Variants in RSPO2 observed in about 807,000 individuals in gnomAD.
The protein encoded by RSPO2 is R-spondin-2.
Under a neutral mutation model 30.9 loss-of-function variants are expected in RSPO2, and 14 were observed. The observed-to-expected ratio is 0.45, with a 90% CI of 0.30 to 0.71. The LOEUF (loss-of-function observed/expected upper bound fraction) is 0.71. Among genes scored for constraint, RSPO2 ranks in the 30% least tolerant of loss-of-function variants. RSPO2 has a pLI of 0.08. For synonymous variants in RSPO2, 107 were observed against 96.4 expected (o/e 1.11, Z -0.64); for missense variants, 264 against 301.9 (o/e 0.87, Z 0.93).
chr8:107,970,674 CCTG>C (rs1160710480), intron 3 of RSPO2, among the ~76,000 whole-genome samples: 4 of 152,134 alleles, frequency 2.6e-5, no homozygotes, highest in African/African-American at 9.7e-5. Flanking sequence ...AATGACAACT[CCTG>C]ATCAGTTGTC....
chr8:108,061,707 G>T (rs201771356), intron 2 of RSPO2, among the ~76,000 whole-genome samples: 9 of 151,624 alleles, frequency 5.9e-5, no homozygotes, highest in South Asian at 4.2e-4. Flanking sequence ...TACAGAACTC[G>T]CCACCCCAAA....
chr8:107,984,827 G>T (rs754838077), intron 3 of RSPO2, among the ~76,000 whole-genome samples: 2 of 152,158 alleles, frequency 1.3e-5, no homozygotes, highest in Non-Finnish European at 2.9e-5. Context: ...AGTCAGGATG[G>T]TAGTTATGCC....
chr8:108,031,853 G>GAAA (rs71308772), intron 2 of RSPO2, among the ~76,000 whole-genome samples: 11 of 149,296 alleles, frequency 7.4e-5, no homozygotes, highest in Admixed American at 2.7e-4. Context: ...AAAAGAAGAG[G>GAAA]AAAAAAAAAA....
chr8:108,060,638 A>C (rs1468087574), intron 2 of RSPO2, among the ~76,000 whole-genome samples: 1 of 151,856 alleles, frequency 6.6e-6, no homozygotes, highest in Admixed American at 6.6e-5. Flanking sequence ...GAACTTCCCC[A>C]ATCTAGCAAG....
intron 2 of RSPO2, among the ~76,000 whole-genome samples, chr8:108,031,857 A>AT (rs916379015): frequency 1.3e-5 from 2 of 151,892 alleles, no homozygotes; most frequent in Non-Finnish European, 2.9e-5. Context: ...GAAGAGGAAA[A>AT]AAAAAAGAAA....
At chr8:108,039,769 C>T (rs1191937541) in intron 2 of RSPO2, among the ~76,000 whole-genome samples, 1 of 151,876 alleles carries the variant, frequency 6.6e-6, no homozygotes, top group Middle Eastern at 3.2e-3. Flanking sequence ...AGACCAGATG[C>T]TTGTGTCCCC....
intron 5 of RSPO2, among the ~76,000 whole-genome samples, chr8:107,931,463 C>A (rs1202154261): frequency 6.6e-6 from 1 of 152,060 alleles, no homozygotes; most frequent in Non-Finnish European, 1.5e-5. Context: ...TATGTTTGGA[C>A]ACTTAGTGCT....
At chr8:107,988,426 GTTT>G (rs71562167) in intron 3 of RSPO2, among the ~76,000 whole-genome samples, 1 of 143,480 alleles carries the variant, frequency 7.0e-6, no homozygotes. Context: ...TTCCTTTGTG[GTTT>G]TTTTTTTTTT....
intron 5 of RSPO2, among the ~76,000 whole-genome samples, chr8:107,928,964 T>A (rs1182401529): frequency 6.6e-6 from 1 of 152,154 alleles, no homozygotes. Flanking sequence ...TAGATTTTCT[T>A]AGCCTTCCTT....
At chr8:107,968,817 A>C (rs1367000826) in intron 3 of RSPO2, among the ~76,000 whole-genome samples, 1 of 152,098 alleles carries the variant, frequency 6.6e-6, no homozygotes, top group Non-Finnish European at 1.5e-5. Flanking sequence ...CTCCACATGG[A>C]AAAAATAGAT....
chr8:108,072,890 G>C (rs1423329354), intron 2 of RSPO2: 1 of 152,164 alleles, frequency 6.6e-6, no homozygotes, highest in African/African-American at 2.4e-5. Flanking sequence ...GTATTAATTT[G>C]CAGTCATTTG....
intron 5 of RSPO2, among the ~76,000 whole-genome samples, chr8:107,922,783 C>T (rs914143858): frequency 6.6e-6 from 1 of 152,042 alleles, no homozygotes; most frequent in Non-Finnish European, 1.5e-5. Flanking sequence ...CAAAATAATA[C>T]TGTACATCTA....
intron 5 of RSPO2, among the ~76,000 whole-genome samples, chr8:107,952,109 T>G (rs1813268747): frequency 6.6e-6 from 1 of 152,152 alleles, no homozygotes; most frequent in South Asian, 2.1e-4. Flanking sequence ...GGATTCCTCT[T>G]AAGATTCTGT....
At chr8:108,078,113 T>C (rs1813070570) in intron 2 of RSPO2, among the ~76,000 whole-genome samples, 1 of 152,224 alleles carries the variant, frequency 6.6e-6, no homozygotes, top group Non-Finnish European at 1.5e-5. Context: ...TTGTGATTTC[T>C]GTGAATATTG....
chr8:107,997,092 TG>T, intron 2 of RSPO2: 1 of 233,024 alleles, frequency 4.3e-6, no homozygotes, highest in Non-Finnish European at 8.7e-6. Context: ...TGAAGCTTCT[TG>T]CCCCAAACCT....
chr8:107,921,201 G>T (rs1812157033), intron 5 of RSPO2, among the ~76,000 whole-genome samples: 1 of 151,494 alleles, frequency 6.6e-6, no homozygotes, highest in Admixed American at 6.6e-5. Flanking sequence ...TTAATGACTA[G>T]AAAACACACT....
rs567106935 is a variant in RSPO2, at chr8:107,994,571, A to G, written c.95-5327T>C. On this transcript the variant is annotated intron_variant, in intron 2 of 5. Transcript: ENST00000276659. ...CAAAATACTCTTTCCTATAGCTGGT[A>G]TAAAATGTAGAAATGATACAATCTG... Among the ~76,000 whole-genome samples the G allele has an allele frequency of 4.6e-5, 7 of 152,254 alleles. No individual in the cohort carries two copies. The East Asian group carries it at 1.2e-3, about 25-fold the overall frequency.
At chr8:108,014,790 C>A (rs1338622495) in intron 2 of RSPO2, among the ~76,000 whole-genome samples, 1 of 150,488 alleles carries the variant, frequency 6.6e-6, no homozygotes, top group Admixed American at 6.6e-5. Flanking sequence ...CACATGTATA[C>A]CTATGTAACA....
intron 2 of RSPO2, among the ~76,000 whole-genome samples, chr8:108,028,562 G>C (rs1302768984): frequency 1.3e-5 from 2 of 152,222 alleles, no homozygotes; most frequent in Non-Finnish European, 2.9e-5. Flanking sequence ...TGGGAACTTT[G>C]GAACAAGGAA....
Sources: allele counts gnomAD v4.1 joint callset (sites outside exome capture counted in the v4.1 genomes callset), GRCh38; gene constraint gnomAD v4.1.1; transcripts MANE v1.5; gene names NCBI Gene and HGNC (gene_info 2026-07-23, HGNC 2026-07-21).